The following ZFHX3 variants were observed in gnomAD, a reference collection of about 807,000 sequenced individuals.
The protein encoded by ZFHX3 is zinc finger homeobox protein 3.
In ZFHX3, 42 loss-of-function variants were observed where a neutral mutation model predicts 279.1. The observed-to-expected ratio is 0.15, with a 90% CI of 0.12 to 0.19. The LOEUF (loss-of-function observed/expected upper bound fraction) is 0.19, where lower values mean the gene tolerates loss of function less well. Among genes scored for constraint, ZFHX3 ranks in the 10% least tolerant of loss-of-function variants. The pLI is 1.00. For synonymous variants in ZFHX3, 2,293 were observed against 1,957.8 expected (o/e 1.17, Z -4.52); for missense variants, 4,981 against 4,754.0 (o/e 1.05, Z -1.40).
intron 3 of ZFHX3, among the ~76,000 whole-genome samples, chr16:73,351,987 A>G (rs958434300): frequency 3.3e-5 from 5 of 152,238 alleles, no homozygotes; most frequent in African/African-American, 9.6e-5. Context: ...CTTTTATACC[A>G]TTTCTAGGAT....
intron 2 of ZFHX3, among the ~76,000 whole-genome samples, chr16:73,592,049 T>C (rs555675192): frequency 1.3e-5 from 2 of 149,826 alleles, no homozygotes; most frequent in Non-Finnish European, 3.0e-5. Flanking sequence ...CTGGCCAACA[T>C]GGTGAAACCC....
chr16:73,120,249 C>A (rs1427160483), intron 7 of ZFHX3, among the ~76,000 whole-genome samples: 2 of 151,964 alleles, frequency 1.3e-5, no homozygotes, highest in African/African-American at 4.8e-5. Flanking sequence ...ACATTCCATA[C>A]TATTTTTGTT....
intron 8 of ZFHX3, among the ~76,000 whole-genome samples, chr16:73,074,968 A>G (rs1463614705): frequency 6.6e-6 from 1 of 151,576 alleles, no homozygotes; most frequent in Non-Finnish European, 1.5e-5. Flanking sequence ...CACCACACTC[A>G]GCTAATTTTT....
chr16:73,101,733 A>G (rs1342906278), intron 7 of ZFHX3, among the ~76,000 whole-genome samples: 2 of 151,012 alleles, frequency 1.3e-5, no homozygotes, highest in East Asian at 3.9e-4. Flanking sequence ...ATTGTATTAC[A>G]TGTTCAGATT....
chr16:72,958,731 G>A lies in ZFHX3; in HGVS notation c.1415C>T (p.Ala472Val), dbSNP rs1189486286. ...CTCCTCTTCTTCCTCCTCCTCCTCC[G>A]CCTCTTCCTCCTCCTCTTCCTCCTC... ...EAEEEEEEEE[A>V]EEEEEEEEEE... is the part of the protein sequence containing the mutation. The change falls in exon 2 of 10, where the codon GCG becomes GTG. Residue 472 changes from alanine to valine, a missense_variant. This residue lies in a region of ZFHX3 where 1,068 missense variants were observed against 935.2 expected (regional missense o/e 1.14). Coordinates refer to ENST00000268489, the MANE Select transcript of ZFHX3 (RefSeq NM_006885.4). 54 of 1,599,838 alleles carry A rather than the reference G, an allele frequency of 3.4e-5. No individual in the cohort carries two copies. The highest frequency in any genetic ancestry group is 1.7e-4 in the Middle Eastern group (1 of 6,006).
intron 4 of ZFHX3, among the ~76,000 whole-genome samples, chr16:72,865,284 A>G (rs1209051572): frequency 6.6e-6 from 1 of 152,214 alleles, no homozygotes; most frequent in African/African-American, 2.4e-5. Flanking sequence ...GGAAGAGACC[A>G]ATGGGAAAAG....
intron 1 of ZFHX3, among the ~76,000 whole-genome samples, chr16:73,721,795 A>T (rs926302144): frequency 2.0e-5 from 3 of 152,226 alleles, no homozygotes; most frequent in Non-Finnish European, 4.4e-5. Context: ...TGGTTATCCC[A>T]GCACTTTGGG....
intron 4 of ZFHX3, among the ~76,000 whole-genome samples, chr16:72,847,046 G>C (rs892285898): frequency 6.6e-6 from 1 of 152,176 alleles, no homozygotes; most frequent in Non-Finnish European, 1.5e-5. Context: ...GCAGAAATTA[G>C]TTACTGCGGT....
chr16:72,961,877 A>G (rs1961595156), intron 1 of ZFHX3, among the ~76,000 whole-genome samples: 2 of 131,260 alleles, frequency 1.5e-5, no homozygotes, highest in African/African-American at 5.8e-5. Flanking sequence ...AACAGAGATG[A>G]CTACAGTAAA....
intron 2 of ZFHX3, among the ~76,000 whole-genome samples, chr16:73,535,557 G>A (rs1280876854): frequency 6.6e-6 from 1 of 152,168 alleles, no homozygotes; most frequent in African/African-American, 2.4e-5. Flanking sequence ...CATCTCCCAT[G>A]AGGACAGGGT....
chr16:73,750,497 G>T (rs2053752172), intron 1 of ZFHX3, among the ~76,000 whole-genome samples: 1 of 152,132 alleles, frequency 6.6e-6, no homozygotes, highest in African/African-American at 2.4e-5. Flanking sequence ...CTTAGTAACA[G>T]ATGTCAAAAA....
chr16:73,077,036 A>G (rs1738636348), intron 8 of ZFHX3, among the ~76,000 whole-genome samples: 2 of 152,142 alleles, frequency 1.3e-5, no homozygotes, highest in African/African-American at 4.8e-5. Context: ...AAAATAGGTC[A>G]GGTAACTATT....
upstream of ZFHX3, chr16:73,062,204 G>C (rs1040163043): frequency 4.6e-5 from 7 of 152,156 alleles, no homozygotes; most frequent in South Asian, 2.1e-4. Context: ...GTGGAATGTA[G>C]GCTAAATATT....
intron 2 of ZFHX3, among the ~76,000 whole-genome samples, chr16:73,513,803 T>C (rs948505788): frequency 6.6e-6 from 1 of 151,952 alleles, no homozygotes; most frequent in African/African-American, 2.4e-5. Context: ...ACAAAGCCTA[T>C]GGGGTTCTTT....
intron 1 of ZFHX3, among the ~76,000 whole-genome samples, chr16:73,847,133 C>G (rs1389966343): frequency 6.6e-6 from 1 of 152,092 alleles, no homozygotes; most frequent in Non-Finnish European, 1.5e-5. Context: ...GAAACCCCAT[C>G]TCTACTAAAA....
intron 3 of ZFHX3, among the ~76,000 whole-genome samples, chr16:73,336,581 G>T (rs2015917270): frequency 6.6e-6 from 1 of 152,062 alleles, no homozygotes; most frequent in African/African-American, 2.4e-5. Flanking sequence ...TCATTTTTAT[G>T]ACTGTGTAGT....
At chr16:73,488,194 G>A (rs1330510255) in intron 2 of ZFHX3, among the ~76,000 whole-genome samples, 1 of 152,210 alleles carries the variant, frequency 6.6e-6, no homozygotes, top group Non-Finnish European at 1.5e-5. Context: ...GCTAATGTAA[G>A]AGCTGCAAAC....
At chr16:73,788,086 G>C (rs1959708714) in intron 1 of ZFHX3, among the ~76,000 whole-genome samples, 1 of 152,122 alleles carries the variant, frequency 6.6e-6, no homozygotes, top group African/African-American at 2.4e-5. Context: ...ACCACCGCTA[G>C]ATCTGAAGGT....
intron 1 of ZFHX3, among the ~76,000 whole-genome samples, chr16:73,786,773 AG>A (rs1959663125): frequency 6.6e-6 from 1 of 152,104 alleles, no homozygotes; most frequent in Non-Finnish European, 1.5e-5. Flanking sequence ...GTCTTTGCTT[AG>A]AAGAACAGGG....
Sources: allele counts gnomAD v4.1 joint callset (sites outside exome capture counted in the v4.1 genomes callset), GRCh38; gene constraint gnomAD v4.1.1; regional missense constraint gnomAD v4.1.1; transcripts MANE v1.5; gene names NCBI Gene and HGNC (gene_info 2026-07-23, HGNC 2026-07-21).